Variants in SENP5 observed in about 807,000 individuals in gnomAD.
The protein encoded by SENP5 is sentrin-specific protease 5.
In SENP5, 21 loss-of-function variants were observed where a neutral mutation model predicts 74.2. That is an observed-to-expected ratio of 0.28 (90% CI 0.20 to 0.41). The LOEUF (loss-of-function observed/expected upper bound fraction) is 0.41, where lower values mean the gene tolerates loss of function less well. Ranked by LOEUF, SENP5 falls within the 10% of genes least tolerant of loss-of-function variation. The probability of loss-of-function intolerance (pLI) is 1.00; values close to 1 mark genes in which losing one functional copy is unlikely to be tolerated. For synonymous variants in SENP5, 311 were observed against 312.7 expected (o/e 0.99, Z 0.06); for missense variants, 717 against 889.1 (o/e 0.81, Z 2.46).
chr3:196,899,221 A>G (rs190071518), intron 2 of SENP5, among the ~76,000 whole-genome samples: 334 of 152,320 alleles, frequency 2.2e-3, no homozygotes, highest in Admixed American at 5.1e-3. Context: ...CCTTTACCAA[A>G]TAATAGAGTC....
At chr3:196,906,029 G>A (rs1402487069) in intron 6 of SENP5, among the ~76,000 whole-genome samples, 10 of 152,172 alleles carry the variant, frequency 6.6e-5, no homozygotes, top group Non-Finnish European at 1.5e-4. Context: ...AGATCAGCCT[G>A]GCCAACATGG....
intron 1 of SENP5, among the ~76,000 whole-genome samples, chr3:196,877,886 T>C (rs1713551281): frequency 6.6e-6 from 1 of 152,218 alleles, no homozygotes; most frequent in Non-Finnish European, 1.5e-5. Context: ...GCATATATTT[T>C]TCCTTTTAAC....
At chr3:196,923,059 A>G (rs1292143427) in intron 6 of SENP5, among the ~76,000 whole-genome samples, 1 of 152,032 alleles carries the variant, frequency 6.6e-6, no homozygotes, top group Non-Finnish European at 1.5e-5. Context: ...GGCCCCTTAT[A>G]CCATTTTCTA....
intron 7 of SENP5, among the ~76,000 whole-genome samples, 199 bp downstream of exon 7, chr3:196,923,750 T>C (rs1715712218): frequency 1.3e-5 from 2 of 152,220 alleles, no homozygotes; most frequent in African/African-American, 4.8e-5. Flanking sequence ...CAGATCCCCC[T>C]CTGAGATACT....
intron 2 of SENP5, among the ~76,000 whole-genome samples, chr3:196,888,969 A>G (rs1296862607): frequency 6.6e-6 from 1 of 152,040 alleles, no homozygotes; most frequent in African/African-American, 2.4e-5. Flanking sequence ...TTAAAAAATT[A>G]GCCGGGCGTG....
rs191420629 is a variant in SENP5, at chr3:196,882,141, C to T, written c.-31-3010C>T. On this transcript the variant is annotated intron_variant, in intron 1 of 9. Transcript: ENST00000323460. The stretch of plus-strand genomic sequence containing the variant: ...CTCGAACTCCTGACCTCAAGTGATC[C>T]GCCTGTCTTGGCCTCCCAAAGTGCT... Among the ~76,000 whole-genome samples the T allele has an allele frequency of 5.1e-3, 766 of 151,650 alleles. 6 individuals carry two copies. Among genetic ancestry groups the T allele is most frequent in the African/African-American group, 0.018 (733 of 41,296 alleles).
intron 2 of SENP5, among the ~76,000 whole-genome samples, chr3:196,894,569 G>A (rs1274923170): frequency 6.6e-6 from 1 of 151,388 alleles, no homozygotes; most frequent in African/African-American, 2.4e-5. Flanking sequence ...CATGGGTCTG[G>A]GAACCAATGA....
intron 2 of SENP5, among the ~76,000 whole-genome samples, chr3:196,887,772 A>AT (rs1560144490): frequency 6.6e-6 from 1 of 151,428 alleles, no homozygotes; most frequent in African/African-American, 2.4e-5. Flanking sequence ...GTCTTTTTTT[A>AT]TTTTTTATTT....
intron 4 of SENP5, 60 bp from the exon 5 acceptor site, chr3:196,900,305 T>G: frequency 6.7e-7 from 1 of 1,498,732 alleles, no homozygotes; most frequent in Non-Finnish European, 9.1e-7. Context: ...TTATTTTGTT[T>G]TTCTTTCTCC....
intron 2 of SENP5, among the ~76,000 whole-genome samples, chr3:196,899,033 C>T (rs558009408): frequency 2.0e-5 from 3 of 148,738 alleles, no homozygotes; most frequent in Admixed American, 6.8e-5. Flanking sequence ...GAGCAGAGAT[C>T]GTGCCACTGC....
intron 5 of SENP5, 143 bp downstream of exon 5, chr3:196,900,555 C>CTGGGT: frequency 1.7e-6 from 1 of 595,750 alleles, no homozygotes; most frequent in Non-Finnish European, 2.8e-6. Context: ...TGATCATGTA[C>CTGGGT]TGGGCTTGAT....
chr3:196,895,074 C>A (rs903966728), intron 2 of SENP5, among the ~76,000 whole-genome samples: 1 of 152,168 alleles, frequency 6.6e-6, no homozygotes, highest in South Asian at 2.1e-4. Context: ...GCATTTCTTA[C>A]GTGCACAGCA....
chr3:196,930,944 A>G lies in SENP5; in HGVS notation c.*21A>G, dbSNP rs1716013848. The G allele has an allele frequency of 6.9e-7, 1 of 1,452,732 alleles. No homozygotes were observed. The highest frequency in any genetic ancestry group is 9.7e-7 in the Non-Finnish European group (1 of 1,033,018). The allele number at this position is 1,452,732 out of a possible 1,614,324, so 90.0% of individuals were successfully genotyped here. A position where few individuals can be genotyped will look rare whatever the true frequency, so the allele number is the denominator to read the frequency against. On this transcript the variant is annotated 3_prime_UTR_variant, in exon 10 of 10. Coordinates refer to ENST00000323460, the MANE Select transcript of SENP5 (RefSeq NM_152699.5). The stretch of plus-strand genomic sequence containing the variant: ...ACTGAAACTCAGCAGGGACTCTGGG[A>G]AGTCTGACCAAGTTGGAGCAGATGG...
rs141474807 is a variant in SENP5 at position 196,902,706 on chromosome 3, A to G, written c.1807-827A>G. On this transcript the variant is annotated intron_variant, in intron 5 of 9. Transcript: ENST00000323460. ...AGCACTTTAAGATCACAATATGTTT[A>G]CCCTCTAAGATGAGCTGATATACCA... 2.5e-3 allele frequency among the ~76,000 whole-genome samples: 385 copies of G among 152,294 alleles called. 4 individuals carry two copies. The highest frequency in any genetic ancestry group is 8.5e-3 in the African/African-American group (353 of 41,572).
chr3:196,890,695 C>G lies in SENP5; in HGVS notation c.1513+4001C>G, dbSNP rs77428783. On this transcript the variant is annotated intron_variant, in intron 2 of 9. Transcript: ENST00000323460. ...CGCTTTAAAGTTCTAACCTCTATGT[C>G]ATGAGTATGCCAGGAGATAATGGAA... Among the ~76,000 whole-genome samples, 189 of 152,248 alleles carry G rather than the reference C, an allele frequency of 1.2e-3. 7 individuals carry two copies. In the East Asian group the frequency reaches 0.03, roughly 24 times the overall value.
At chr3:196,888,517 G>C (rs1417805312) in intron 2 of SENP5, among the ~76,000 whole-genome samples, 3 of 151,974 alleles carry the variant, frequency 2.0e-5, no homozygotes, top group Admixed American at 1.3e-4. Flanking sequence ...CTGGGAGGCG[G>C]AGGTTGCAGT....
chr3:196,880,613 G>A (rs1713679307), intron 1 of SENP5, among the ~76,000 whole-genome samples: 1 of 146,602 alleles, frequency 6.8e-6, no homozygotes, highest in African/African-American at 2.5e-5. Flanking sequence ...TGACTGATGT[G>A]ATTGAAGAGT....
At position 196,886,017 on chromosome 3, in the gene SENP5, G is replaced by A. The variant is rs1409244159; in HGVS notation, c.836G>A (p.Arg279His). The A allele has an allele frequency of 7.4e-6, 12 of 1,614,200 alleles. No homozygotes were observed. The highest frequency in any genetic ancestry group is 6.7e-5 in the African/African-American group (5 of 75,058). Residue 279 changes from arginine (R) to histidine (H), a missense_variant, in exon 2 of 10, where the codon CGT becomes CAT. By Grantham distance (29) the Arg-to-His change is conservative. Coordinates refer to ENST00000323460, the MANE Select transcript of SENP5 (RefSeq NM_152699.5). ...GTCACTGGGGACCATCAAGAGACCC[G>A]TAGGGAGAACGGTGAGGGTGGCAGT... Reference protein sequence around the residue: ...QKVTGDHQETRRENGEGGSCS... With the variant: ...QKVTGDHQETHRENGEGGSCS...
intron 5 of SENP5, among the ~76,000 whole-genome samples, chr3:196,902,130 T>G (rs1577823568): frequency 6.6e-6 from 1 of 152,224 alleles, no homozygotes; most frequent in Non-Finnish European, 1.5e-5. Context: ...AAACATAACC[T>G]TCTTTTTAGA....
Sources: allele counts gnomAD v4.1 joint callset (sites outside exome capture counted in the v4.1 genomes callset), GRCh38; gene constraint gnomAD v4.1.1; transcripts MANE v1.5; gene names NCBI Gene and HGNC (gene_info 2026-07-23, HGNC 2026-07-21).